The following GRIA2 variants were observed in gnomAD, a reference collection of about 807,000 sequenced individuals.
The protein encoded by GRIA2 is glutamate receptor 2.
A neutral mutation model predicts 97.3 loss-of-function variants in GRIA2; 14 were observed. The observed-to-expected ratio is 0.14, with a 90% CI of 0.10 to 0.23. The LOEUF (loss-of-function observed/expected upper bound fraction) is 0.23, where lower values mean the gene tolerates loss of function less well. Ranked by LOEUF, GRIA2 falls within the 10% of genes least tolerant of loss-of-function variation. GRIA2 has a pLI of 1.00. For synonymous variants in GRIA2, 412 were observed against 387.8 expected (o/e 1.06, Z -0.73); for missense variants, 558 against 1,069.8 (o/e 0.52, Z 6.67).
intron 12 of GRIA2, among the ~76,000 whole-genome samples, chr4:157,352,535 A>T (rs1470038385): frequency 6.6e-6 from 1 of 151,650 alleles, no homozygotes; most frequent in Non-Finnish European, 1.5e-5. Context: ...GGCCAACATG[A>T]TGAAACCCCA....
intron 12 of GRIA2, 82 bp downstream of exon 12, chr4:157,341,544 T>C: frequency 6.6e-6 from 6 of 911,522 alleles, no homozygotes; most frequent in Non-Finnish European, 9.0e-6. Context: ...CATAGTCAAT[T>C]CCAAGGTACT....
rs1330250333 is a variant in GRIA2, at chr4:157,361,257, A to G, written c.2406+133A>G. The stretch of plus-strand genomic sequence containing the variant: ...AAGAGTGCAATTGGATGACCAGGAC[A>G]CTTGACTTCTTCTTTCTTTCTTCCT... On this transcript the variant is annotated intron_variant, in intron 14 of 15. Transcript: ENST00000264426. The surrounding 1 kb of genome is among the most constrained non-coding windows in gnomAD (Gnocchi z 5.2). 8.7e-6 allele frequency: 6 copies of G among 689,246 alleles called. No homozygotes were observed. Among genetic ancestry groups the G allele is most frequent in the Admixed American group, 5.8e-5 (2 of 34,612 alleles). The allele number at this position is 689,246 out of a possible 1,614,324, so 42.7% of individuals were successfully genotyped here. A position where few individuals can be genotyped will look rare whatever the true frequency, so the allele number is the denominator to read the frequency against.
intron 2 of GRIA2, among the ~76,000 whole-genome samples, chr4:157,229,372 A>G (rs1729899174): frequency 6.6e-6 from 1 of 152,206 alleles, no homozygotes; most frequent in East Asian, 1.9e-4. Context: ...AAAATCATCC[A>G]AAGTGCTTGA....
intron 2 of GRIA2, among the ~76,000 whole-genome samples, chr4:157,296,583 A>T (rs1733359033): frequency 6.6e-6 from 1 of 152,168 alleles, no homozygotes; most frequent in Non-Finnish European, 1.5e-5. Context: ...AATTCTCATG[A>T]GATAGACAGG....
At chr4:157,321,778 G>A (rs570327022) in intron 6 of GRIA2, among the ~76,000 whole-genome samples, 179 bp downstream of exon 6, 2 of 152,216 alleles carry the variant, frequency 1.3e-5, no homozygotes, top group African/African-American at 4.8e-5. Context: ...AAAGCTATTA[G>A]AGCTTTACTG....
intron 6 of GRIA2, among the ~76,000 whole-genome samples, chr4:157,332,429 T>G (rs1176210447): frequency 2.0e-5 from 3 of 151,988 alleles, no homozygotes; most frequent in Non-Finnish European, 2.9e-5. Context: ...ACAAATGAAT[T>G]TCTCATTGGA....
At position 157,361,497 on chromosome 4, in the gene GRIA2, AT is replaced by A. The variant is rs1436891289; in HGVS notation, c.2406+374del. 1 of 1,331,766 alleles carries A rather than the reference AT, an allele frequency of 7.5e-7. No homozygotes were observed. Among genetic ancestry groups the A allele is most frequent in the African/African-American group, 1.4e-5 (1 of 69,214 alleles). The allele number at this position is 1,331,766 out of a possible 1,614,324, so 82.5% of individuals were successfully genotyped here. On this transcript the variant is annotated intron_variant, in intron 14 of 15. Coordinates refer to ENST00000264426, the MANE Select transcript of GRIA2 (RefSeq NM_001083619.3). This position sits in a 1 kb window ranked among gnomAD's most constrained non-coding sequence, Gnocchi z 5.2. ...AGTATTATGTAATGAATAACATAAAATAACATTGATAATGTTATTTATGTTA... is the reference window on the plus strand; with the variant it reads ...AGTATTATGTAATGAATAACATAAAAAACATTGATAATGTTATTTATGTTA...
intron 12 of GRIA2, among the ~76,000 whole-genome samples, chr4:157,345,912 A>G (rs1735744893): frequency 6.6e-6 from 1 of 152,206 alleles, no homozygotes; most frequent in Non-Finnish European, 1.5e-5. Context: ...TGCAAAAGAT[A>G]AATTTAGTCT....
intron 2 of GRIA2, among the ~76,000 whole-genome samples, chr4:157,295,330 C>A (rs1249099720): frequency 6.6e-6 from 1 of 151,918 alleles, no homozygotes; most frequent in Non-Finnish European, 1.5e-5. Flanking sequence ...AACATTAGAT[C>A]AAAACGTATG....
chr4:157,325,799 C>A (rs770350536), intron 6 of GRIA2, among the ~76,000 whole-genome samples: 3 of 152,158 alleles, frequency 2.0e-5, no homozygotes, highest in African/African-American at 4.8e-5. Flanking sequence ...TTCCTACCAC[C>A]TTCTCTTCAG....
chr4:157,259,083 G>A (rs764947230), intron 2 of GRIA2, among the ~76,000 whole-genome samples: 23 of 151,806 alleles, frequency 1.5e-4, no homozygotes, highest in Non-Finnish European at 2.9e-4. Flanking sequence ...TAAAACATAC[G>A]TAGATGTGGT....
intron 13 of GRIA2, chr4:157,360,564 T>G (rs1007367882): frequency 3.8e-5 from 15 of 399,178 alleles, no homozygotes; most frequent in African/African-American, 3.1e-4. Flanking sequence ...CTGAGAAATA[T>G]GCCACTTTTT....
chr4:157,337,841 G>C (rs1469674931), intron 11 of GRIA2, among the ~76,000 whole-genome samples: 1 of 150,756 alleles, frequency 6.6e-6, no homozygotes, highest in African/African-American at 2.4e-5. Flanking sequence ...TCTGATAGTA[G>C]GTAATTATAG....
intron 9 of GRIA2, chr4:157,335,092 A>G (rs548653347): frequency 6.5e-6 from 1 of 154,410 alleles, no homozygotes; most frequent in Non-Finnish European, 1.4e-5. Flanking sequence ...CTCTCTAGCT[A>G]TCCTTGTAGC....
chr4:157,312,923 G>A, intron 4 of GRIA2, 48 bp downstream of exon 4: 2 of 1,089,642 alleles, frequency 1.8e-6, no homozygotes, highest in South Asian at 1.6e-5. Context: ...GAATATGCAT[G>A]CAATGTCAGC....
At chr4:157,221,860 G>C in intron 2 of GRIA2, 53 bp downstream of exon 2, 2 of 1,520,880 alleles carry the variant, frequency 1.3e-6, no homozygotes, top group Middle Eastern at 1.9e-4. Flanking sequence ...AGGCCAGCGA[G>C]TGTGAGTGTG....
chr4:157,237,846 T>C (rs1730322268), intron 2 of GRIA2, among the ~76,000 whole-genome samples: 1 of 152,164 alleles, frequency 6.6e-6, no homozygotes, highest in Non-Finnish European at 1.5e-5. Context: ...TTTTTTTGGC[T>C]TGTGTCATAG....
intron 2 of GRIA2, among the ~76,000 whole-genome samples, chr4:157,284,386 T>C (rs6844775): frequency 0.053 from 8,033 of 151,922 alleles, 294 homozygotes; most frequent in Middle Eastern, 0.14. Context: ...CATCTCATCC[T>C]TAATGACTTT....
intron 11 of GRIA2, among the ~76,000 whole-genome samples, chr4:157,339,815 G>A (rs1294821880): frequency 6.6e-6 from 1 of 151,878 alleles, no homozygotes; most frequent in African/African-American, 2.4e-5. Flanking sequence ...TGGATAAATA[G>A]TGAACATTTT....
Sources: gnomAD v4.1 joint callset for allele counts (sites outside exome capture counted in the v4.1 genomes callset) on GRCh38, gnomAD v4.1.1 for gene constraint, Gnocchi (gnomAD v3.1) non-coding constraint, MANE v1.5 for transcripts, NCBI Gene and HGNC (gene_info 2026-07-23, HGNC 2026-07-21) for gene names.